Variants in OLA1 observed in about 807,000 individuals in gnomAD.
OLA1 encodes the protein Obg like ATPase 1, also known as obg-like ATPase 1.
A neutral mutation model predicts 48.4 loss-of-function variants in OLA1; 14 were observed. The observed-to-expected ratio is 0.29, with a 90% CI of 0.19 to 0.45. OLA1 has a LOEUF of 0.45. Ranked by LOEUF, OLA1 falls within the 20% of genes least tolerant of loss-of-function variation. OLA1 has a pLI of 1.00. For synonymous variants in OLA1, 127 were observed against 150.4 expected (o/e 0.84, Z 1.14); for missense variants, 325 against 467.1 (o/e 0.70, Z 2.80).
intron 4 of OLA1, among the ~76,000 whole-genome samples, chr2:174,182,391 T>G (rs1471933728): frequency 2.0e-5 from 3 of 152,068 alleles, no homozygotes; most frequent in Non-Finnish European, 4.4e-5. Flanking sequence ...CCAGGCGTGG[T>G]GGCACATGCC....
At chr2:174,099,414 G>T (rs1359393820) in intron 7 of OLA1, among the ~76,000 whole-genome samples, 1 of 152,090 alleles carries the variant, frequency 6.6e-6, no homozygotes, top group Admixed American at 6.5e-5. Flanking sequence ...TTGGCCTCCT[G>T]AAGTGCTGGG....
chr2:174,112,235 G>C (rs1011928143), intron 7 of OLA1, among the ~76,000 whole-genome samples: 4 of 152,172 alleles, frequency 2.6e-5, no homozygotes, highest in Admixed American at 6.5e-5. Context: ...AGGAACATGA[G>C]CTCTGCAGAT....
chr2:174,138,448 T>A (rs1199031960), intron 5 of OLA1, among the ~76,000 whole-genome samples: 1 of 152,190 alleles, frequency 6.6e-6, no homozygotes, highest in Non-Finnish European at 1.5e-5. Flanking sequence ...CTAAAGCAGT[T>A]ATAACAGGAA....
chr2:174,173,133 T>C (rs78206939), intron 4 of OLA1, among the ~76,000 whole-genome samples: 16,823 of 152,156 alleles, frequency 0.11, 1,383 homozygotes, highest in African/African-American at 0.23. Context: ...TGTTTCTTTA[T>C]AGCAATGCAA....
rs145889830 is a variant in OLA1 at position 174,118,287 on chromosome 2, T to C, written c.728+4893A>G. ...ACCATATCAACTCCGGTTGTAAAAG[T>C]GTAGCTCATCCCAACTCAGTGTTTT... is the stretch of plus-strand genomic sequence containing the variant. On this transcript the variant is annotated intron_variant, in intron 7 of 10. Transcript: ENST00000284719. Among the ~76,000 whole-genome samples, 85 of 152,298 alleles carry C rather than the reference T, an allele frequency of 5.6e-4. 2 individuals carry two copies. The East Asian group carries it at 0.015, about 27-fold the overall frequency.
chr2:174,187,760 A>C (rs1481852855), intron 4 of OLA1, among the ~76,000 whole-genome samples: 1 of 152,232 alleles, frequency 6.6e-6, no homozygotes, highest in Non-Finnish European at 1.5e-5. Context: ...ATAGCATGCT[A>C]GTAGCAGTGA....
At chr2:174,115,194 TAAAA>T (rs906101269) in intron 7 of OLA1, among the ~76,000 whole-genome samples, 30 of 152,228 alleles carry the variant, frequency 2.0e-4, no homozygotes, top group African/African-American at 6.5e-4. Flanking sequence ...TCAAATGAAA[TAAAA>T]AAGCTGAAAC....
intron 7 of OLA1, among the ~76,000 whole-genome samples, chr2:174,086,315 G>A (rs1445920577): frequency 6.6e-6 from 1 of 151,924 alleles, no homozygotes; most frequent in Non-Finnish European, 1.5e-5. Flanking sequence ...AGTGGGCCTC[G>A]CTCTAGTTAT....
chr2:174,229,194 C>A, intron 3 of OLA1, 114 bp downstream of exon 3: 2 of 1,118,756 alleles, frequency 1.8e-6, no homozygotes, highest in East Asian at 5.1e-5. Context: ...CTTTTATAAT[C>A]ACCCAAAACA....
intron 7 of OLA1, among the ~76,000 whole-genome samples, chr2:174,117,283 C>G (rs1408001008): frequency 6.6e-6 from 1 of 152,132 alleles, no homozygotes; most frequent in Non-Finnish European, 1.5e-5. Context: ...TTATACAGAA[C>G]ACATTTTATA....
At chr2:174,113,637 T>A (rs1685708619) in intron 7 of OLA1, among the ~76,000 whole-genome samples, 1 of 152,180 alleles carries the variant, frequency 6.6e-6, no homozygotes, top group African/African-American at 2.4e-5. Context: ...TTAACTAAAA[T>A]CCTAATTTAG....
intron 4 of OLA1, among the ~76,000 whole-genome samples, chr2:174,216,246 T>C (rs1688357635): frequency 2.0e-5 from 3 of 152,088 alleles, no homozygotes; most frequent in Non-Finnish European, 4.4e-5. Context: ...CAGGCTGCAA[T>C]GAGCTATGAT....
chr2:174,115,017 T>C (rs1574489478), intron 7 of OLA1, among the ~76,000 whole-genome samples: 1 of 151,344 alleles, frequency 6.6e-6, no homozygotes, highest in African/African-American at 2.4e-5. Context: ...GTCAGGGAGG[T>C]CCAGACTGCA....
rs1177487674 is a variant in OLA1, at chr2:174,073,166, A to G, written c.*2260T>C. On this transcript the variant is annotated 3_prime_UTR_variant, in exon 11 of 11. Transcript: ENST00000284719. ...CATGATGCCCAGCTAATTTTTGTAT[A>G]TATGTATTTTTTTATGTAGAGATGA... The G allele has an allele frequency of 1.3e-5, 2 of 151,976 alleles. No homozygotes were observed. The highest frequency in any genetic ancestry group is 4.8e-5 in the African/African-American group (2 of 41,366). 9.4% of individuals were successfully genotyped at this position (151,976 alleles called of 1,614,324 possible). A position where few individuals can be genotyped will look rare whatever the true frequency, so the allele number is the denominator to read the frequency against.
At chr2:174,079,178 G>T (rs1198387463) in intron 9 of OLA1, 88 bp from the exon 10 acceptor site, 39 of 1,127,050 alleles carry the variant, frequency 3.5e-5, no homozygotes, top group Non-Finnish European at 4.7e-5. Flanking sequence ...CTGCAGTTGG[G>T]CTCAACTAGA....
In OLA1 at chr2:174,111,103, CAT is replaced by C. The variant is rs1326535349; in HGVS notation, c.728+12075_728+12076del. ...GGATAATTTCATTTAATATATGTAA[CAT>C]ATTTTATTTAATTCTCATAATTCTA... On this transcript the variant is annotated intron_variant, in intron 7 of 10. Coordinates refer to ENST00000284719, the MANE Select transcript of OLA1 (RefSeq NM_013341.5). Among the ~76,000 whole-genome samples, 19 of 152,218 alleles carry C rather than the reference CAT, an allele frequency of 1.2e-4. No individual in the cohort carries two copies. In the East Asian group the frequency reaches 3.5e-3, roughly 28 times the overall value.
intron 4 of OLA1, among the ~76,000 whole-genome samples, chr2:174,194,427 T>G (rs1417534517): frequency 6.6e-6 from 1 of 152,058 alleles, no homozygotes; most frequent in Non-Finnish European, 1.5e-5. Context: ...GTCTCCTCCA[T>G]CCCCATAGGC....
At chr2:174,179,178 A>G (rs766204930) in intron 4 of OLA1, among the ~76,000 whole-genome samples, 1 of 151,926 alleles carries the variant, frequency 6.6e-6, no homozygotes, top group Non-Finnish European at 1.5e-5. Context: ...TATTTTACAC[A>G]TATCCAGGAT....
At chr2:174,171,227 C>CA (rs1240289610) in intron 4 of OLA1, among the ~76,000 whole-genome samples, 4 of 151,854 alleles carry the variant, frequency 2.6e-5, no homozygotes, top group Admixed American at 6.6e-5. Context: ...TGGAACTAGA[C>CA]AAAAAAATCA....
Sources: gnomAD v4.1 joint callset for allele counts (sites outside exome capture counted in the v4.1 genomes callset) on GRCh38, gnomAD v4.1.1 for gene constraint, MANE v1.5 for transcripts, NCBI Gene and HGNC (gene_info 2026-07-23, HGNC 2026-07-21) for gene names.